Variants in RARB observed in about 807,000 individuals in gnomAD.
RARB encodes HBV-activated protein.
RARB carries 17 observed loss-of-function variants against 51.9 expected under a neutral mutation model. That is an observed-to-expected ratio of 0.33 (90% confidence interval 0.22 to 0.49). The LOEUF (loss-of-function observed/expected upper bound fraction) is 0.49, where lower values mean the gene tolerates loss of function less well. Ranked by LOEUF, RARB falls within the 20% of genes least tolerant of loss-of-function variation. RARB has a pLI of 0.99. For missense variants in RARB, 369 were observed against 550.8 expected (o/e 0.67, Z 3.30); for synonymous variants, 215 against 195.4 (o/e 1.10, Z -0.84).
intron 5 of RARB, among the ~76,000 whole-genome samples, chr3:25,188,123 T>C (rs1423210719): frequency 1.3e-5 from 2 of 152,116 alleles, no homozygotes; most frequent in Admixed American, 1.3e-4. Flanking sequence ...ATATTGTATA[T>C]GTTTTGGGGT....
chr3:24,906,187 A>G (rs1339379707), intron 2 of RARB, among the ~76,000 whole-genome samples: 1 of 152,172 alleles, frequency 6.6e-6, no homozygotes, highest in Non-Finnish European at 1.5e-5. Flanking sequence ...TTGGTTTTAG[A>G]AAGCTTGCTG....
intron 2 of RARB, among the ~76,000 whole-genome samples, chr3:24,884,961 C>G (rs778377625): frequency 1.3e-5 from 2 of 152,052 alleles, no homozygotes; most frequent in Non-Finnish European, 2.9e-5. Context: ...ATAACAACTG[C>G]GTATTCAAAA....
At chr3:24,997,681 G>A (rs574146263) in intron 2 of RARB, among the ~76,000 whole-genome samples, 9 of 152,068 alleles carry the variant, frequency 5.9e-5, no homozygotes, top group Admixed American at 2.6e-4. Flanking sequence ...CACTGCGCCC[G>A]ACCTGATTTA....
chr3:25,132,958 T>C (rs1052299244), intron 4 of RARB, among the ~76,000 whole-genome samples: 1 of 151,984 alleles, frequency 6.6e-6, no homozygotes, highest in Non-Finnish European at 1.5e-5. Flanking sequence ...TATGCCATGG[T>C]ATTTTATCAA....
intron 5 of RARB, among the ~76,000 whole-genome samples, chr3:25,231,783 T>G (rs1370663758): frequency 6.6e-6 from 1 of 152,190 alleles, no homozygotes; most frequent in African/African-American, 2.4e-5. Context: ...TGTTGAATTT[T>G]AAGAGTTTTT....
chr3:25,047,633 A>G (rs1698243818), intron 2 of RARB, among the ~76,000 whole-genome samples: 1 of 152,214 alleles, frequency 6.6e-6, no homozygotes, highest in Non-Finnish European at 1.5e-5. Context: ...GCCTATGCTA[A>G]GTGCTCTCTC....
chr3:25,455,834 G>T (rs17524838), intron 1 of RARB, among the ~76,000 whole-genome samples: 8,225 of 152,304 alleles, frequency 0.054, 335 homozygotes, highest in Admixed American at 0.12. Context: ...GGGCATTCAA[G>T]CAGCAAACAG....
At chr3:25,136,105 T>C (rs1442593108) in intron 4 of RARB, among the ~76,000 whole-genome samples, 1 of 151,956 alleles carries the variant, frequency 6.6e-6, no homozygotes, top group African/African-American at 2.4e-5. Flanking sequence ...AAGAATAACG[T>C]GCTGTCCGAA....
intron 2 of RARB, among the ~76,000 whole-genome samples, chr3:24,886,443 C>G (rs536172751): frequency 7.7e-4 from 84 of 109,772 alleles, no homozygotes; most frequent in African/African-American, 3.0e-3. Flanking sequence ...TATCTGTAAA[C>G]AAACTTTTTT....
chr3:25,202,014 C>T (rs1419571668), intron 5 of RARB, among the ~76,000 whole-genome samples: 1 of 152,132 alleles, frequency 6.6e-6, no homozygotes, highest in Non-Finnish European at 1.5e-5. Flanking sequence ...GGAATGCTAC[C>T]AGCTCCTCCT....
chr3:25,569,856 A>G lies in RARB; in HGVS notation c.547A>G (p.Lys183Glu), dbSNP rs944738824. The change falls in exon 4 of 8, where the codon AAG becomes GAG. Residue 183 changes from lysine to glutamate, a missense_variant. Physicochemically the swap from Lys to Glu is moderately conservative, Grantham distance 56. Coordinates refer to ENST00000330688, the MANE Select transcript of RARB (RefSeq NM_000965.5). ...AGCTGAGTTGGACGATCTCACAGAG[A>G]AGATCCGAAAAGCTCACCAGGAAAC... The part of the protein sequence containing the change: ...MTAELDDLTE[K>E]IRKAHQETFP... The G allele has an allele frequency of 1.4e-5, 22 of 1,614,112 alleles. No homozygotes were observed. The highest frequency in any genetic ancestry group is 3.3e-5 in the Admixed American group (2 of 60,014).
intron 5 of RARB, among the ~76,000 whole-genome samples, chr3:25,302,142 G>A (rs1704055676): frequency 1.3e-5 from 2 of 152,228 alleles, no homozygotes; most frequent in South Asian, 4.1e-4. Context: ...TGTTAGCAAG[G>A]ATGAGGAGAA....
At chr3:25,377,470 A>C (rs572506272) in intron 5 of RARB, among the ~76,000 whole-genome samples, 1 of 152,244 alleles carries the variant, frequency 6.6e-6, no homozygotes, top group East Asian at 1.9e-4. Context: ...TTCTTTACAA[A>C]TGTTGCTTTT....
intron 2 of RARB, among the ~76,000 whole-genome samples, chr3:25,469,488 T>G (rs1346708599): frequency 6.6e-6 from 1 of 152,192 alleles, no homozygotes; most frequent in Non-Finnish European, 1.5e-5. Flanking sequence ...CAGGACACTC[T>G]GTGTACCACT....
At chr3:25,353,931 T>C (rs1195909234) in intron 5 of RARB, among the ~76,000 whole-genome samples, 2 of 152,084 alleles carry the variant, frequency 1.3e-5, no homozygotes, top group East Asian at 3.9e-4. Flanking sequence ...TCTCATAATA[T>C]AAAGTGCAGT....
intron 2 of RARB, among the ~76,000 whole-genome samples, chr3:24,861,933 G>C (rs28514537): frequency 0.11 from 17,293 of 152,270 alleles, 1,604 homozygotes; most frequent in East Asian, 0.27. Context: ...CATGGACAAG[G>C]TATGTATAAT....
chr3:25,119,805 G>A (rs150907720), intron 3 of RARB, among the ~76,000 whole-genome samples: 1 of 152,230 alleles, frequency 6.6e-6, no homozygotes, highest in East Asian at 1.9e-4. Flanking sequence ...ACTATAAGAT[G>A]CCTAGAGCTG....
At chr3:24,975,934 A>G (rs1271768837) in intron 2 of RARB, among the ~76,000 whole-genome samples, 2 of 152,152 alleles carry the variant, frequency 1.3e-5, no homozygotes, top group Non-Finnish European at 2.9e-5. Flanking sequence ...TCCACCCAAC[A>G]ACAGGCCCCA....
rs144958886 is a variant in RARB at position 24,850,943 on chromosome 3, G to A, written c.-458-7731G>A. On this transcript the variant is annotated intron_variant, in intron 1 of 11. Transcript: ENST00000383772. Reference sequence around the variant, plus strand: ...GCAAGTACTCATTAGCAAACCTCCTGTGTCAAACAGGTCAAATAATGAATC... The same window carrying A: ...GCAAGTACTCATTAGCAAACCTCCTATGTCAAACAGGTCAAATAATGAATC... Among the ~76,000 whole-genome samples the A allele has an allele frequency of 4.0e-3, 613 of 152,322 alleles. 6 individuals are homozygous for A. The highest frequency in any genetic ancestry group is 0.014 in the African/African-American group (581 of 41,568).
Sources: allele counts gnomAD v4.1 joint callset (sites outside exome capture counted in the v4.1 genomes callset), GRCh38; gene constraint gnomAD v4.1.1; transcripts MANE v1.5; gene names NCBI Gene and HGNC (gene_info 2026-07-23, HGNC 2026-07-21).